The following L3MBTL4 variants were observed in gnomAD, a reference collection of about 807,000 sequenced individuals.
L3MBTL4 encodes the protein L3MBTL histone methyl-lysine binding protein 4, also known as lethal(3)malignant brain tumor-like protein 4.
In L3MBTL4, 70 loss-of-function variants were observed where a neutral mutation model predicts 84.5. The ratio of observed to expected loss-of-function variants is 0.83; its 90% confidence interval spans 0.68 to 1.01. The LOEUF is 1.01. Among genes scored for constraint, L3MBTL4 ranks in the 50% least tolerant of loss-of-function variants. The probability of loss-of-function intolerance (pLI) is 0.00; values close to 1 mark genes in which losing one functional copy is unlikely to be tolerated. For missense variants in L3MBTL4, 715 were observed against 754.8 expected, an observed-to-expected ratio of 0.95 and a Z score of 0.62; for synonymous variants, 274 against 259.8, an observed-to-expected ratio of 1.05 and a Z score of -0.52.
chr18:6,072,518 G>A (rs780012541), intron 16 of L3MBTL4, among the ~76,000 whole-genome samples: 2 of 151,816 alleles, frequency 1.3e-5, no homozygotes, highest in African/African-American at 4.8e-5. Context: ...TTAAATTAAC[G>A]CTAATATAGT....
chr18:6,095,350 T>TG lies in L3MBTL4; in HGVS notation c.1200-1823_1200-1822insC, dbSNP rs1568111992. Among the ~76,000 whole-genome samples, 390 of 146,498 alleles carry TG rather than the reference T, an allele frequency of 2.7e-3. 4 individuals are homozygous for TG. The highest frequency in any genetic ancestry group is 9.9e-3 in the African/African-American group (378 of 38,138). On this transcript the variant is annotated intron_variant, in intron 14 of 18. Transcript: ENST00000317931. ...AGGCTGAAGAAGGGGAACATGGTTT[T>TG]TTTTTTTTTTTTTTTGAGATGGAGT...
At chr18:6,059,326 T>A (rs911306169) in intron 16 of L3MBTL4, among the ~76,000 whole-genome samples, 3 of 152,220 alleles carry the variant, frequency 2.0e-5, no homozygotes, top group Non-Finnish European at 1.5e-5. Context: ...TACCTAAAAA[T>A]AAGTATCTAC....
intron 1 of L3MBTL4, among the ~76,000 whole-genome samples, chr18:6,341,485 G>A (rs1362375128): frequency 1.3e-5 from 2 of 151,814 alleles, no homozygotes; most frequent in Non-Finnish European, 1.5e-5. Flanking sequence ...TACAACACCT[G>A]AACTCAAAAA....
chr18:6,134,177 G>A (rs1482335950), intron 14 of L3MBTL4, among the ~76,000 whole-genome samples: 9 of 152,056 alleles, frequency 5.9e-5, no homozygotes, highest in African/African-American at 7.2e-5. Context: ...ATCAGATATC[G>A]TGAGACTTGT....
chr18:6,386,993 T>C (rs1599867750), intron 1 of L3MBTL4, among the ~76,000 whole-genome samples: 1 of 151,630 alleles, frequency 6.6e-6, no homozygotes, highest in African/African-American at 2.4e-5. Flanking sequence ...GGCTTGGGGG[T>C]AGATGGCAGC....
At chr18:6,024,854 T>C (rs1054106475) in intron 16 of L3MBTL4, among the ~76,000 whole-genome samples, 13 of 152,298 alleles carry the variant, frequency 8.5e-5, no homozygotes, top group Admixed American at 7.2e-4. Flanking sequence ...GGTGGTTAAT[T>C]AAAACCACTG....
At chr18:6,030,218 A>G (rs2048608887) in intron 16 of L3MBTL4, 1 of 878,694 alleles carries the variant, frequency 1.1e-6, no homozygotes, top group Admixed American at 6.2e-5. Context: ...ATTCCAAGGG[A>G]GGAAACTGAA....
chr18:6,028,888 G>T (rs1333845885), intron 16 of L3MBTL4, among the ~76,000 whole-genome samples: 2 of 152,142 alleles, frequency 1.3e-5, no homozygotes, highest in Admixed American at 6.5e-5. Context: ...AGAAAGAAAA[G>T]AATTAATTCG....
intron 14 of L3MBTL4, among the ~76,000 whole-genome samples, chr18:6,107,800 G>A (rs556357942): frequency 6.6e-6 from 1 of 152,190 alleles, no homozygotes; most frequent in Non-Finnish European, 1.5e-5. Flanking sequence ...TGAAGCAGAA[G>A]ATAGATGCAT....
chr18:6,185,987 TTATTTTATTATTTTA>T, intron 12 of L3MBTL4, among the ~76,000 whole-genome samples: 2 of 147,742 alleles, frequency 1.4e-5, no homozygotes, highest in African/African-American at 5.0e-5. Flanking sequence ...TTATTTTATT[TTATTTTATTATTTTA>T]TATTTTATTT....
intron 1 of L3MBTL4, among the ~76,000 whole-genome samples, chr18:6,342,665 G>A (rs1362233985): frequency 1.3e-5 from 2 of 151,440 alleles, no homozygotes; most frequent in Non-Finnish European, 2.9e-5. Flanking sequence ...AGGAAGAAAG[G>A]AACAAATAAA....
chr18:6,110,907 C>T (rs1483655527), intron 14 of L3MBTL4, among the ~76,000 whole-genome samples: 1 of 152,054 alleles, frequency 6.6e-6, no homozygotes, highest in Non-Finnish European at 1.5e-5. Flanking sequence ...TTTGTTCATG[C>T]CCATTTCCAG....
chr18:6,275,536 G>A (rs1391574346), intron 4 of L3MBTL4, among the ~76,000 whole-genome samples: 1 of 152,092 alleles, frequency 6.6e-6, no homozygotes, highest in South Asian at 2.1e-4. Context: ...GAAAAAACAG[G>A]GAATGTGTGC....
intron 10 of L3MBTL4, among the ~76,000 whole-genome samples, chr18:6,227,221 A>C (rs1236222979): frequency 1.3e-5 from 2 of 152,162 alleles, no homozygotes; most frequent in South Asian, 4.1e-4. Flanking sequence ...CTCAGTAATC[A>C]ATGGAAAAAG....
At chr18:6,112,334 T>C (rs1417478800) in intron 14 of L3MBTL4, among the ~76,000 whole-genome samples, 6 of 152,240 alleles carry the variant, frequency 3.9e-5, no homozygotes, top group South Asian at 2.1e-4. Flanking sequence ...CTTTTCTCCA[T>C]AGTTAGTCTA....
intron 4 of L3MBTL4, among the ~76,000 whole-genome samples, chr18:6,271,993 T>C (rs75239806): frequency 0.014 from 2,202 of 152,144 alleles, 53 homozygotes; most frequent in African/African-American, 0.051. Context: ...CTGGAGAAGT[T>C]TGCAAATGAA....
intron 4 of L3MBTL4, among the ~76,000 whole-genome samples, chr18:6,288,111 A>G (rs535440984): frequency 6.6e-6 from 1 of 152,326 alleles, no homozygotes; most frequent in African/African-American, 2.4e-5. Flanking sequence ...TCTGGATCCA[A>G]CTGTCTTTAT....
intron 10 of L3MBTL4, among the ~76,000 whole-genome samples, chr18:6,222,326 A>T (rs532195700): frequency 6.6e-6 from 1 of 152,318 alleles, no homozygotes; most frequent in Admixed American, 6.5e-5. Context: ...CTTGTCAAAG[A>T]GCTCATTTTA....
intron 15 of L3MBTL4, among the ~76,000 whole-genome samples, chr18:6,084,307 C>T (rs1300742560): frequency 5.9e-5 from 9 of 152,168 alleles, no homozygotes; most frequent in East Asian, 5.8e-4. Context: ...GCTTTCACTA[C>T]GATGGCTGAA....
Sources: allele counts gnomAD v4.1 joint callset (sites outside exome capture counted in the v4.1 genomes callset), GRCh38; gene constraint gnomAD v4.1.1; transcripts MANE v1.5; gene names NCBI Gene and HGNC (gene_info 2026-07-23, HGNC 2026-07-21).